BPIFB3: variants seen among roughly 807,000 people sequenced by gnomAD.
The protein encoded by BPIFB3 is BPI fold containing family B member 3, also known as BPI fold-containing family B member 3.
Under a neutral mutation model 53.1 loss-of-function variants are expected in BPIFB3, and 49 were observed. That is an observed-to-expected ratio of 0.92 (90% CI 0.73 to 1.17). The LOEUF is 1.17. BPIFB3 is among the 50% of genes most tolerant of loss of function. The probability of loss-of-function intolerance (pLI) is 0.00; values close to 1 mark genes in which losing one functional copy is unlikely to be tolerated. For synonymous variants in BPIFB3, 271 were observed against 269.6 expected (o/e 1.01, Z -0.05); for missense variants, 628 against 592.5 (o/e 1.06, Z -0.62).
chr20:33,064,576 T>C (rs1252784710), intron 7 of BPIFB3, 28 bp downstream of exon 8: 2 of 1,612,472 alleles, frequency 1.2e-6, no homozygotes, highest in Non-Finnish European at 1.7e-6. Context: ...CCTCTCCTCC[T>C]GCTGGGGGTG....
chr20:33,056,366 C>T (rs1016245319), intron 1 of BPIFB3, among the ~76,000 whole-genome samples, 176 bp from the exon 3 acceptor site: 4 of 152,182 alleles, frequency 2.6e-5, no homozygotes, highest in East Asian at 1.9e-4. Flanking sequence ...ACAGGCCCTG[C>T]GGTGGGAGTA....
At chr20:33,072,912 T>C (rs1468750989) in intron 14 of BPIFB3, 119 bp downstream of exon 15, 1 of 890,786 alleles carries the variant, frequency 1.1e-6, no homozygotes, top group African/African-American at 1.7e-5. Flanking sequence ...TGATCCATTT[T>C]CTAAATTTCT....
intron 2 of BPIFB3, among the ~76,000 whole-genome samples, chr20:33,058,451 A>G (rs1483883323): frequency 1.3e-5 from 2 of 152,162 alleles, no homozygotes; most frequent in East Asian, 1.9e-4. Context: ...AGTTTGAACC[A>G]TCTGCCTTTT....
At chr20:33,069,923 T>C in exon 11 of BPIFB3, 1 of 1,614,202 alleles carries the variant, frequency 6.2e-7, no homozygotes, top group Non-Finnish European at 8.5e-7. Flanking sequence ...CTCCCTCGGC[T>C]ACCAAGCTGC....
chr20:33,070,641 C>T (rs1177691417), intron 11 of BPIFB3, among the ~76,000 whole-genome samples: 1 of 152,214 alleles, frequency 6.6e-6, no homozygotes, highest in Non-Finnish European at 1.5e-5. Flanking sequence ...TTGCTGAGAC[C>T]TGACGTCCTA....
intron 9 of BPIFB3, among the ~76,000 whole-genome samples, chr20:33,068,548 C>T (rs1600543735): frequency 6.6e-6 from 1 of 152,184 alleles, no homozygotes; most frequent in East Asian, 1.9e-4. Context: ...GGATGGAGGA[C>T]ACAGAGCCTA....
At chr20:33,064,050 C>T (rs571940958) in intron 6 of BPIFB3, among the ~76,000 whole-genome samples, 2 of 152,176 alleles carry the variant, frequency 1.3e-5, no homozygotes, top group Non-Finnish European at 2.9e-5. Flanking sequence ...CACAGCAGAC[C>T]CCAGTCTCTC....
exon 2 of BPIFB3, chr20:33,056,670 G>T (rs755135537): frequency 1.2e-6 from 2 of 1,608,048 alleles, no homozygotes; most frequent in Non-Finnish European, 1.7e-6. Context: ...CCACGGAGGG[G>T]TTTTTGGCGT....
chr20:33,067,217 A>G (rs1980706412), intron 9 of BPIFB3, among the ~76,000 whole-genome samples: 1 of 152,192 alleles, frequency 6.6e-6, no homozygotes, highest in South Asian at 2.1e-4. Context: ...CAATGTCCCC[A>G]GAGAAAAGAC....
At chr20:33,063,587 C>T (rs1354068189) in intron 5 of BPIFB3, 28 bp from the exon 7 acceptor site, 1 of 1,608,356 alleles carries the variant, frequency 6.2e-7, no homozygotes, top group Admixed American at 1.7e-5. Context: ...CTCTTCTTTG[C>T]CCTGTAACAT....
downstream of BPIFB3, chr20:33,073,653 C>T (rs1980993884): frequency 6.2e-7 from 1 of 1,603,212 alleles, no homozygotes; most frequent in African/African-American, 1.3e-5. Flanking sequence ...TAGAGACCAC[C>T]TGTCTACTCT....
At chr20:33,062,077 A>ATCTT (rs757891750) in intron 5 of BPIFB3, among the ~76,000 whole-genome samples, 150,972 of 152,210 alleles carry the variant, frequency 0.99, 74,882 homozygotes, top group East Asian at 1. Flanking sequence ...GAAGGGTAAG[A>ATCTT]ACCCCTGCTC....
Position 33,060,040 on chromosome 20 carries a change from G to T in BPIFB3, c.527+9G>T. Reference sequence around the variant, plus strand: ...ATCAGCCTGTTCTCAGGGTGAGTCTGCAGGTTCCAGCCTGCAACCCTGACC... The same window carrying T: ...ATCAGCCTGTTCTCAGGGTGAGTCTTCAGGTTCCAGCCTGCAACCCTGACC... On this transcript the variant is annotated intron_variant, in intron 4 of 14. Coordinates refer to ENST00000375494, the Ensembl canonical transcript of BPIFB3. The T allele has an allele frequency of 1.2e-6, 2 of 1,613,118 alleles. No individual in the cohort carries two copies. The highest frequency in any genetic ancestry group is 1.1e-5 in the South Asian group (1 of 91,038).
At chr20:33,060,128 G>C in intron 4 of BPIFB3, 97 bp downstream of exon 5, 1 of 1,511,394 alleles carries the variant, frequency 6.6e-7, no homozygotes, top group Non-Finnish European at 8.9e-7. Flanking sequence ...TGCCAGCTGC[G>C]GGGGCCTGAA....
At chr20:33,066,476 T>C (rs1175920456) in intron 8 of BPIFB3, among the ~76,000 whole-genome samples, 1 of 152,220 alleles carries the variant, frequency 6.6e-6, no homozygotes, top group Non-Finnish European at 1.5e-5. Context: ...GTTTTGAAGT[T>C]AGCCTGCCCA....
downstream of BPIFB3, among the ~76,000 whole-genome samples, chr20:33,073,835 C>T (rs1242242168): frequency 1.3e-5 from 2 of 152,222 alleles, no homozygotes; most frequent in East Asian, 3.8e-4. Context: ...TAAATGACTC[C>T]TGTATCTCGG....
At position 33,073,560 on chromosome 20, in the gene BPIFB3, C is replaced by A; in HGVS notation, c.1402-16C>A. 1.2e-6 allele frequency: 2 copies of A among 1,613,822 alleles called. No homozygotes were observed. ...AGAGACTCAGGGGTGTAACCAAGAG[C>A]GGTTGTTCCTTACAGAATGCTGTTG... On this transcript the variant is annotated splice_polypyrimidine_tract_variant and intron_variant, in intron 14 of 14. Coordinates refer to ENST00000375494, the Ensembl canonical transcript of BPIFB3.
chr20:33,068,657 GC>G, intron 9 of BPIFB3, 145 bp from the exon 11 acceptor site: 1 of 798,298 alleles, frequency 1.3e-6, no homozygotes, highest in Non-Finnish European at 2.0e-6. Flanking sequence ...CCTCATGGGG[GC>G]TGAGCCCAGG....
chr20:33,068,996 G>A (rs960134628), intron 10 of BPIFB3, 23 bp downstream of exon 11: 1 of 1,604,102 alleles, frequency 6.2e-7, no homozygotes. Flanking sequence ...GGGGTGGCTG[G>A]GGGCCCGGCA....
Sources: gnomAD v4.1 joint callset for allele counts (sites outside exome capture counted in the v4.1 genomes callset) on GRCh38, gnomAD v4.1.1 for gene constraint, MANE v1.5 for transcripts, NCBI Gene and HGNC (gene_info 2026-07-23, HGNC 2026-07-21) for gene names.